BTBD9: variants seen among roughly 807,000 people sequenced by gnomAD.
BTBD9 encodes BTB domain containing 9.
In BTBD9, 49 loss-of-function variants were observed where a neutral mutation model predicts 64.3. The observed-to-expected ratio is 0.76, with a 90% CI of 0.61 to 0.97. BTBD9 has a LOEUF of 0.97. Among genes scored for constraint, BTBD9 ranks in the 50% least tolerant of loss-of-function variants. BTBD9 has a pLI of 0.00. For missense variants in BTBD9, 598 were observed against 762.1 expected (o/e 0.78, Z 2.53); for synonymous variants, 260 against 274.7 (o/e 0.95, Z 0.53).
chr6:38,310,473 C>A (rs1762788201), intron 7 of BTBD9, among the ~76,000 whole-genome samples: 1 of 151,432 alleles, frequency 6.6e-6, no homozygotes, highest in South Asian at 2.1e-4. Context: ...GTTCTGGGGG[C>A]CAAAATTAAT....
intron 10 of BTBD9, among the ~76,000 whole-genome samples, chr6:38,183,010 T>C (rs781749631): frequency 1.3e-5 from 2 of 151,248 alleles, no homozygotes; most frequent in African/African-American, 2.4e-5. Flanking sequence ...GACAGAGTCT[T>C]GCTCTGTCGC....
intron 6 of BTBD9, among the ~76,000 whole-genome samples, chr6:38,526,536 G>A (rs929758781): frequency 6.6e-6 from 1 of 152,220 alleles, no homozygotes; most frequent in Non-Finnish European, 1.5e-5. Flanking sequence ...CCAGACTCCA[G>A]CATGGTAGAT....
Position 38,348,194 on chromosome 6 carries a change from A to C in BTBD9, c.1155-3101T>G, listed in dbSNP as rs757960140. Among the ~76,000 whole-genome samples, 209 of 152,202 alleles carry C rather than the reference A, an allele frequency of 1.4e-3. 1 individual carries two copies. The highest frequency in any genetic ancestry group is 2.1e-3 in the African/African-American group (89 of 41,450). On this transcript the variant is annotated intron_variant, in intron 6 of 10. Transcript: ENST00000481247. Reference sequence around the variant, plus strand: ...CCCAAGTTATTGAAAAATCCAAGGGATAGGAATGGGAGAGTCCTCTCTCTT... The same window carrying C: ...CCCAAGTTATTGAAAAATCCAAGGGCTAGGAATGGGAGAGTCCTCTCTCTT...
At chr6:38,498,474 A>AAC (rs1554163176) in intron 6 of BTBD9, among the ~76,000 whole-genome samples, 1 of 151,716 alleles carries the variant, frequency 6.6e-6, no homozygotes, top group Non-Finnish European at 1.5e-5. Context: ...AAAAAAAAAA[A>AAC]ACAAGGCAAG....
At chr6:38,607,899 A>C (rs987702840) in intron 1 of BTBD9, among the ~76,000 whole-genome samples, 1 of 152,138 alleles carries the variant, frequency 6.6e-6, no homozygotes, top group Non-Finnish European at 1.5e-5. Flanking sequence ...AACAAACAGA[A>C]TCATTCAAAT....
intron 7 of BTBD9, among the ~76,000 whole-genome samples, chr6:38,294,830 C>CA (rs35937473): frequency 0.075 from 9,916 of 132,250 alleles, 832 homozygotes; most frequent in East Asian, 0.41. Flanking sequence ...AATTTTGTGC[C>CA]AAAAAAAAAA....
intron 6 of BTBD9, among the ~76,000 whole-genome samples, chr6:38,517,699 T>C (rs116162598): frequency 0.011 from 1,627 of 152,306 alleles, 36 homozygotes; most frequent in African/African-American, 0.037. Flanking sequence ...GGACTACTCT[T>C]AGTTCCTCCT....
chr6:38,266,435 T>C (rs1265855055), intron 8 of BTBD9, among the ~76,000 whole-genome samples: 1 of 151,882 alleles, frequency 6.6e-6, no homozygotes, highest in Non-Finnish European at 1.5e-5. Context: ...TAGCCGGGCG[T>C]GGCAGCGTGC....
chr6:38,194,915 A>T (rs1762224584), intron 9 of BTBD9, among the ~76,000 whole-genome samples: 1 of 152,218 alleles, frequency 6.6e-6, no homozygotes. Flanking sequence ...AACTTTGAGG[A>T]GTAAGAAGAT....
rs70981541 is a variant in BTBD9, at chr6:38,328,968, ATGTGTGTGTGTG to A, written c.1264+16004_1264+16015del. Among the ~76,000 whole-genome samples the A allele has an allele frequency of 5.4e-3, 683 of 127,364 alleles. 9 individuals are homozygous for A. The highest frequency in any genetic ancestry group is 0.041 in the East Asian group (176 of 4,300). 83.6% of individuals were successfully genotyped at this position (127,364 alleles called of 152,430 possible). ...TCTCAAAAAAAAAAAGAAAGAAAAT[ATGTGTGTGTGTG>A]TGTGTGTGTGTGTGTGTGTGTGTGT... On this transcript the variant is annotated intron_variant, in intron 7 of 10. Transcript: ENST00000481247.
rs1250045373 is a variant in BTBD9, at chr6:38,446,400, T to C, written c.1155-101307A>G. Reference sequence around the variant, plus strand: ...GATGCAGAGAGGGGTCCCGGAGAAATGGGTTGCCCTAATCAACTAGTTTTA... The same window carrying C: ...GATGCAGAGAGGGGTCCCGGAGAAACGGGTTGCCCTAATCAACTAGTTTTA... On this transcript the variant is annotated intron_variant, in intron 6 of 10. Transcript: ENST00000481247. Among the ~76,000 whole-genome samples, 6 of 151,842 alleles carry C rather than the reference T, an allele frequency of 4.0e-5. No homozygotes were observed. In the South Asian group the frequency reaches 8.3e-4, roughly 21 times the overall value.
intron 6 of BTBD9, among the ~76,000 whole-genome samples, chr6:38,436,372 A>T (rs1320784979): frequency 3.5e-4 from 41 of 118,284 alleles, no homozygotes; most frequent in African/African-American, 4.6e-4. Context: ...CCCCAATTCT[A>T]TTTTTTTTTT....
chr6:38,375,483 G>A (rs556374137), intron 6 of BTBD9, among the ~76,000 whole-genome samples: 5 of 152,230 alleles, frequency 3.3e-5, no homozygotes, highest in African/African-American at 1.2e-4. Context: ...TAACTACAGA[G>A]GATGAAAAGT....
intron 10 of BTBD9, among the ~76,000 whole-genome samples, chr6:38,182,771 T>TGG (rs1406134047): frequency 6.6e-6 from 1 of 152,160 alleles, no homozygotes; most frequent in Non-Finnish European, 1.5e-5. Context: ...GGGAGGCTCC[T>TGG]GGGTACTCAT....
At chr6:38,266,601 GAAAGGAAA>G in intron 8 of BTBD9, among the ~76,000 whole-genome samples, 1 of 99,038 alleles carries the variant, frequency 1.0e-5, no homozygotes, top group Non-Finnish European at 2.0e-5. Context: ...AGAAAGGAAA[GAAAGGAAA>G]GAAAGAAAGA....
chr6:38,451,094 A>G (rs751883748), intron 6 of BTBD9, among the ~76,000 whole-genome samples: 4 of 152,144 alleles, frequency 2.6e-5, no homozygotes, highest in Admixed American at 6.5e-5. Flanking sequence ...CCAATCACAT[A>G]TGATCCCCGA....
chr6:38,199,222 A>G (rs1021134519), intron 9 of BTBD9, among the ~76,000 whole-genome samples: 4 of 152,168 alleles, frequency 2.6e-5, no homozygotes, highest in African/African-American at 9.7e-5. Context: ...AAGGAGTTAC[A>G]TGGAAGTCAT....
intron 6 of BTBD9, among the ~76,000 whole-genome samples, chr6:38,466,798 G>C (rs532166935): frequency 6.6e-6 from 1 of 151,952 alleles, no homozygotes; most frequent in African/African-American, 2.4e-5. Flanking sequence ...GGCTGGTATC[G>C]AAGTCCTGAC....
chr6:38,220,135 G>C (rs1412226369), intron 9 of BTBD9, among the ~76,000 whole-genome samples: 1 of 152,212 alleles, frequency 6.6e-6, no homozygotes, highest in East Asian at 1.9e-4. Flanking sequence ...ATGAGGCTGA[G>C]AACATGGCAG....
Sources: allele counts gnomAD v4.1 joint callset (sites outside exome capture counted in the v4.1 genomes callset), GRCh38; gene constraint gnomAD v4.1.1; transcripts MANE v1.5; gene names NCBI Gene and HGNC (gene_info 2026-07-23, HGNC 2026-07-21).